PIK3C2G: variants seen among roughly 807,000 people sequenced by gnomAD.
PIK3C2G encodes the protein phosphatidylinositol 3-kinase C2 domain-containing subunit gamma.
PIK3C2G carries 168 observed loss-of-function variants against 181.1 expected under a neutral mutation model. That is an observed-to-expected ratio of 0.93 (90% CI 0.82 to 1.05). PIK3C2G has a LOEUF of 1.05. PIK3C2G is among the 50% of genes least tolerant of loss of function. PIK3C2G has a pLI of 0.00. For missense variants in PIK3C2G, 1,869 were observed against 1,732.8 expected (o/e 1.08, Z -1.40); for synonymous variants, 573 against 592.2 (o/e 0.97, Z 0.47).
intron 1 of PIK3C2G, among the ~76,000 whole-genome samples, chr12:18,280,989 G>A (rs752941058): frequency 3.8e-4 from 58 of 151,916 alleles, no homozygotes; most frequent in Non-Finnish European, 6.9e-4. Context: ...TTGAGCAGCT[G>A]CGTGAATAAT....
At chr12:18,554,661 T>C (rs1446829767) in intron 26 of PIK3C2G, among the ~76,000 whole-genome samples, 2 of 152,084 alleles carry the variant, frequency 1.3e-5, no homozygotes. Context: ...TTAAAAAATA[T>C]GTGTTTGAAT....
rs1162985291 is a variant in PIK3C2G at position 18,346,674 on chromosome 12, C to T, written c.1463C>T (p.Thr488Ile). The part of the protein sequence containing the change: ...LIEKVTTELS[T>I]SIYQLINVYC... ...GAGAAGGTAACAACTGAACTATCCA[C>T]ATCCATCTACCAGCTAATCAATGTC... Residue 488 changes from threonine to isoleucine, a missense_variant, in exon 11 of 33, where the codon ACA becomes ATA. By Grantham distance (89) the Thr-to-Ile change is moderately conservative. Transcript: ENST00000538779. 6.2e-7 allele frequency: 1 copy of T among 1,613,022 alleles called. No individual in the cohort carries two copies. Among genetic ancestry groups the T allele is most frequent in the East Asian group, 2.2e-5 (1 of 44,854 alleles).
chr12:18,567,000 C>G lies in PIK3C2G; in HGVS notation c.3954C>G (p.Phe1318Leu), dbSNP rs1296146485. 6.3e-7 allele frequency: 1 copy of G among 1,597,840 alleles called. No homozygotes were observed. The highest frequency in any genetic ancestry group is 2.2e-5 in the East Asian group (1 of 44,682). ...TTACAAATTCAGATCACAGAAGATTCAGAGATCTAAATCATTACATGGAAC... is the reference window on the plus strand; with the variant it reads ...TTACAAATTCAGATCACAGAAGATTGAGAGATCTAAATCATTACATGGAAC... ...LPFTNSDHRR[F>L]RDLNHYMEQI... is the part of the protein sequence containing the mutation. Residue 1318 changes from phenylalanine (F) to leucine (L), a missense_variant, in exon 29 of 33, where the codon TTC becomes TTG. Coordinates refer to ENST00000538779, the MANE Select transcript of PIK3C2G (RefSeq NM_001288772.2).
At chr12:18,311,848 A>T (rs973523668) in intron 5 of PIK3C2G, among the ~76,000 whole-genome samples, 2 of 152,126 alleles carry the variant, frequency 1.3e-5, no homozygotes, top group Non-Finnish European at 2.9e-5. Context: ...TGCAAGCTAA[A>T]GAGCAAGAAA....
At chr12:18,698,144 C>T in the PIK3C2G span, among the ~76,000 whole-genome samples, 10 of 151,876 alleles carry the variant, frequency 6.6e-5, no homozygotes, top group Non-Finnish European at 7.4e-5. Context: ...TTAACCACAC[C>T]TTACAGCAAG....
the PIK3C2G span, chr12:18,696,058 A>T: frequency 1.4e-6 from 1 of 692,332 alleles, no homozygotes. Context: ...AATCTTTTAC[A>T]GAAAGCCCTT....
chr12:18,514,504 A>T (rs1413054586), intron 24 of PIK3C2G, among the ~76,000 whole-genome samples: 2 of 151,776 alleles, frequency 1.3e-5, no homozygotes, highest in African/African-American at 4.8e-5. Context: ...TTTTGTGACC[A>T]TTGTAAAAGG....
intron 8 of PIK3C2G, among the ~76,000 whole-genome samples, chr12:18,334,824 C>A (rs1164160479): frequency 6.6e-6 from 1 of 151,890 alleles, no homozygotes; most frequent in African/African-American, 2.4e-5. Context: ...ACTGATATTC[C>A]CCTCGTACTC....
chr12:18,388,724 G>A (rs1027779651), intron 14 of PIK3C2G, among the ~76,000 whole-genome samples: 38 of 152,210 alleles, frequency 2.5e-4, no homozygotes, highest in East Asian at 3.8e-4. Flanking sequence ...AACAGCTCCC[G>A]TGAGCAGTGC....
chr12:18,279,555 TA>T (rs1475376962), intron 1 of PIK3C2G, among the ~76,000 whole-genome samples: 1 of 151,926 alleles, frequency 6.6e-6, no homozygotes, highest in Non-Finnish European at 1.5e-5. Flanking sequence ...CATAATAAAC[TA>T]CAAGGAGCAA....
chr12:18,656,613 G>A, the PIK3C2G span, among the ~76,000 whole-genome samples: 1 of 152,006 alleles, frequency 6.6e-6, no homozygotes, highest in Admixed American at 6.6e-5. Context: ...ACATGCACCT[G>A]GTGTCCCAGC....
chr12:18,640,009 T>C (rs1949773453), intron 31 of PIK3C2G, among the ~76,000 whole-genome samples: 1 of 151,826 alleles, frequency 6.6e-6, no homozygotes, highest in Non-Finnish European at 1.5e-5. Context: ...TATTATTAAA[T>C]GCTACATCTC....
intron 14 of PIK3C2G, among the ~76,000 whole-genome samples, chr12:18,382,958 G>A (rs1370686762): frequency 1.3e-5 from 2 of 152,190 alleles, no homozygotes; most frequent in South Asian, 2.1e-4. Context: ...ATTCGACCAC[G>A]TGACACCTAA....
At chr12:18,701,711 T>C in the PIK3C2G span, 1 of 1,612,348 alleles carries the variant, frequency 6.2e-7, no homozygotes. Context: ...CAGAACCTTT[T>C]CTTTCATGGG....
At chr12:18,423,154 T>A (rs1592222188) in intron 17 of PIK3C2G, among the ~76,000 whole-genome samples, 1 of 143,338 alleles carries the variant, frequency 7.0e-6, no homozygotes, top group East Asian at 2.2e-4. Flanking sequence ...AGAGTGTGTG[T>A]GTGTGTGTGT....
chr12:18,567,398 CTAA>C (rs933515305), intron 29 of PIK3C2G, among the ~76,000 whole-genome samples: 1 of 151,862 alleles, frequency 6.6e-6, no homozygotes, highest in African/African-American at 2.4e-5. Context: ...GATTCTGTCT[CTAA>C]TAATAATAAT....
chr12:18,249,890 G>C (rs892851025), intron 1 of PIK3C2G, among the ~76,000 whole-genome samples: 1 of 150,938 alleles, frequency 6.6e-6, no homozygotes, highest in Non-Finnish European at 1.5e-5. Context: ...ATCTTAACTC[G>C]AATAAGCTTC....
rs1191317818 is a variant in PIK3C2G, at chr12:18,562,812, C to T, written c.3700C>T (p.Pro1234Ser). The T allele has an allele frequency of 6.2e-7, 1 of 1,607,436 alleles. No homozygotes were observed. Among genetic ancestry groups the T allele is most frequent in the Non-Finnish European group, 8.5e-7 (1 of 1,176,404 alleles). The change falls in exon 27 of 33, where the codon CCT (proline) becomes TCT (serine). Residue 1234 changes from proline (P) to serine (S), a missense_variant. Pro to Ser is a moderately conservative substitution (Grantham distance 74). Coordinates refer to ENST00000538779, the MANE Select transcript of PIK3C2G (RefSeq NM_001288772.2). ...SPAKSTSQTF[P>S]QESCLLSTTR... The stretch of plus-strand genomic sequence containing the variant: ...TGCCAAATCTACTTCACAGACTTTT[C>T]CTCAGGAATCCTGTTTGCTGAGTAC...
intron 18 of PIK3C2G, among the ~76,000 whole-genome samples, chr12:18,455,355 G>C (rs1021596940): frequency 5.3e-5 from 8 of 151,972 alleles, no homozygotes; most frequent in African/African-American, 1.7e-4. Flanking sequence ...GAAGGGGAGG[G>C]GGGTGGCGGT....
Sources: allele counts gnomAD v4.1 joint callset (sites outside exome capture counted in the v4.1 genomes callset), GRCh38; gene constraint gnomAD v4.1.1; transcripts MANE v1.5; gene names NCBI Gene and HGNC (gene_info 2026-07-23, HGNC 2026-07-21).